HOMER1: variants seen among roughly 807,000 people sequenced by gnomAD.
The protein encoded by HOMER1 is homer scaffold protein 1, also known as homer protein homolog 1.
Under a neutral mutation model 48.9 loss-of-function variants are expected in HOMER1, and 3 were observed. That is an observed-to-expected ratio of 0.06 (90% CI 0.03 to 0.16). The LOEUF is 0.16. HOMER1 is among the 10% of genes least tolerant of loss of function. The pLI is 1.00. For synonymous variants in HOMER1, 134 were observed against 146.4 expected (o/e 0.92, Z 0.61); for missense variants, 247 against 411.4 (o/e 0.60, Z 3.46).
intron 6 of HOMER1, among the ~76,000 whole-genome samples, chr5:79,398,278 G>C (rs968566114): frequency 6.6e-6 from 1 of 150,654 alleles, no homozygotes; most frequent in Non-Finnish European, 1.5e-5. Flanking sequence ...TCTAAAACTA[G>C]AATCAGCAAT....
intron 5 of HOMER1, among the ~76,000 whole-genome samples, chr5:79,435,166 A>G (rs1750539903): frequency 1.3e-5 from 2 of 151,918 alleles, no homozygotes; most frequent in South Asian, 4.1e-4. Context: ...TTATTTCTCT[A>G]AAGCTAAGTA....
At chr5:79,501,292 T>C (rs1752582018) in intron 1 of HOMER1, among the ~76,000 whole-genome samples, 1 of 152,188 alleles carries the variant, frequency 6.6e-6, no homozygotes, top group Non-Finnish European at 1.5e-5. Context: ...TAACACTTTC[T>C]TTTCTTTAGC....
chr5:79,464,459 G>A (rs936704435), intron 1 of HOMER1, among the ~76,000 whole-genome samples: 3 of 152,118 alleles, frequency 2.0e-5, no homozygotes, highest in African/African-American at 4.8e-5. Context: ...AGGAATAGAC[G>A]GACACTAATT....
At chr5:79,487,798 T>C (rs765938929) in intron 1 of HOMER1, among the ~76,000 whole-genome samples, 34 of 152,218 alleles carry the variant, frequency 2.2e-4, no homozygotes, top group Admixed American at 1.3e-4. Context: ...ATTTTTCTGA[T>C]ATGATAATGG....
intron 5 of HOMER1, among the ~76,000 whole-genome samples, chr5:79,436,707 T>A (rs979353564): frequency 6.6e-6 from 1 of 152,230 alleles, no homozygotes; most frequent in Admixed American, 6.5e-5. Flanking sequence ...TGGAAAATCA[T>A]GGATTATATC....
intron 8 of HOMER1, among the ~76,000 whole-genome samples, chr5:79,393,795 G>A (rs779651476): frequency 6.6e-6 from 1 of 152,136 alleles, no homozygotes; most frequent in East Asian, 1.9e-4. Context: ...AGGAATGCTG[G>A]AAGAAAACTA....
chr5:79,420,948 G>A (rs1276623959), intron 5 of HOMER1, among the ~76,000 whole-genome samples: 1 of 152,142 alleles, frequency 6.6e-6, no homozygotes, highest in Non-Finnish European at 1.5e-5. Context: ...TGTGCTCATG[G>A]TGATTTTAGA....
At chr5:79,499,803 C>T (rs552965922) in intron 1 of HOMER1, among the ~76,000 whole-genome samples, 23 of 152,342 alleles carry the variant, frequency 1.5e-4, no homozygotes, top group Non-Finnish European at 2.8e-4. Context: ...TTGTAGCTAA[C>T]TCCTGTTGCT....
chr5:79,389,468 T>C (rs910014878), intron 8 of HOMER1, among the ~76,000 whole-genome samples: 1 of 152,162 alleles, frequency 6.6e-6, no homozygotes, highest in Non-Finnish European at 1.5e-5. Flanking sequence ...GCCAATATGA[T>C]GCTATTAAGA....
At chr5:79,394,454 T>C (rs773273169) in intron 8 of HOMER1, among the ~76,000 whole-genome samples, 9 of 152,228 alleles carry the variant, frequency 5.9e-5, no homozygotes, top group African/African-American at 9.6e-5. Context: ...TTCCCTGTCC[T>C]GTTCTAGGTA....
At chr5:79,391,264 T>C (rs1749243570) in intron 8 of HOMER1, among the ~76,000 whole-genome samples, 1 of 151,084 alleles carries the variant, frequency 6.6e-6, no homozygotes, top group African/African-American at 2.4e-5. Flanking sequence ...CAGCCTCCCA[T>C]GTAGCTGGGA....
chr5:79,469,757 C>T (rs573577067), intron 1 of HOMER1, among the ~76,000 whole-genome samples: 3 of 152,142 alleles, frequency 2.0e-5, no homozygotes, highest in East Asian at 1.9e-4. Flanking sequence ...CTCAGCCTCC[C>T]GCTGGGACAT....
At chr5:79,459,393 C>T (rs1335360774) in intron 1 of HOMER1, among the ~76,000 whole-genome samples, 2 of 152,112 alleles carry the variant, frequency 1.3e-5, no homozygotes, top group African/African-American at 4.8e-5. Context: ...TTTAAGCTAG[C>T]TATTGTATAA....
intron 1 of HOMER1, among the ~76,000 whole-genome samples, chr5:79,511,638 G>A (rs1361223217): frequency 6.6e-6 from 1 of 152,188 alleles, no homozygotes; most frequent in Non-Finnish European, 1.5e-5. Flanking sequence ...TGTCATTCAA[G>A]TTTTTAAAAC....
intron 8 of HOMER1, among the ~76,000 whole-genome samples, chr5:79,394,486 G>T (rs1749330924): frequency 6.6e-6 from 1 of 152,160 alleles, no homozygotes; most frequent in African/African-American, 2.4e-5. Flanking sequence ...TAATATTTTT[G>T]ATATTCAGTG....
intron 1 of HOMER1, among the ~76,000 whole-genome samples, chr5:79,508,344 T>C (rs1406466364): frequency 6.6e-6 from 1 of 152,220 alleles, no homozygotes; most frequent in African/African-American, 2.4e-5. Flanking sequence ...GGGTATTATG[T>C]AGTGACATTT....
chr5:79,508,918 T>A (rs576087824), intron 1 of HOMER1, among the ~76,000 whole-genome samples: 1 of 152,354 alleles, frequency 6.6e-6, no homozygotes, highest in African/African-American at 2.4e-5. Context: ...ACACGCACTA[T>A]AACAAAGGTT....
chr5:79,476,135 G>A (rs971564859), intron 1 of HOMER1, among the ~76,000 whole-genome samples: 1 of 152,108 alleles, frequency 6.6e-6, no homozygotes, highest in South Asian at 2.1e-4. Context: ...CATTGCTCAG[G>A]AATCTACCAT....
intron 8 of HOMER1, among the ~76,000 whole-genome samples, chr5:79,380,157 C>T (rs1231927227): frequency 1.3e-5 from 2 of 152,146 alleles, no homozygotes; most frequent in African/African-American, 2.4e-5. Context: ...AAGAGAACCT[C>T]AGTGGTCCAT....
Sources: gnomAD v4.1 joint callset for allele counts (sites outside exome capture counted in the v4.1 genomes callset) on GRCh38, gnomAD v4.1.1 for gene constraint, MANE v1.5 for transcripts, NCBI Gene and HGNC (gene_info 2026-07-23, HGNC 2026-07-21) for gene names.